FBLN2: variants seen among roughly 807,000 people sequenced by gnomAD.
FBLN2 encodes fibulin-2.
In FBLN2, 81 loss-of-function variants were observed where a neutral mutation model predicts 123.7. That is an observed-to-expected ratio of 0.65 (90% CI 0.55 to 0.79). FBLN2 has a LOEUF of 0.79. Among genes scored for constraint, FBLN2 ranks in the 30% least tolerant of loss-of-function variants. The pLI is 0.00. For missense variants in FBLN2, 1,603 were observed against 1,681.3 expected (o/e 0.95, Z 0.81); for synonymous variants, 699 against 701.4 (o/e 1.00, Z 0.05).
In FBLN2 at chr3:13,597,697, T is replaced by C. The variant is rs939550382; in HGVS notation, c.1307-10365T>C. Among the ~76,000 whole-genome samples, 6 of 152,234 alleles carry C rather than the reference T, an allele frequency of 3.9e-5. No homozygotes were observed. In the South Asian group the frequency reaches 1.2e-3, roughly 32 times the overall value. On this transcript the variant is annotated intron_variant, in intron 2 of 17. Coordinates refer to ENST00000404922, the MANE Select transcript of FBLN2 (RefSeq NM_001004019.2). ...ACCAGAATACTCAGGGTCGTGGGTGTGGCGCCTTCTGCTTTACCAGGGGAC... is the reference window on the plus strand; with the variant it reads ...ACCAGAATACTCAGGGTCGTGGGTGCGGCGCCTTCTGCTTTACCAGGGGAC...
chr3:13,572,989 C>T (rs1328998599), intron 2 of FBLN2, among the ~76,000 whole-genome samples: 1 of 152,118 alleles, frequency 6.6e-6, no homozygotes, highest in African/African-American at 2.4e-5. Context: ...GGAGAGGCTT[C>T]AGGAGTCCTC....
intron 2 of FBLN2, among the ~76,000 whole-genome samples, chr3:13,588,865 TG>T (rs1271375319): frequency 4.6e-5 from 7 of 152,316 alleles, no homozygotes; most frequent in Admixed American, 4.6e-4. Flanking sequence ...GTACGTATGA[TG>T]GGCTGGAAAT....
intron 2 of FBLN2, among the ~76,000 whole-genome samples, chr3:13,605,933 T>C (rs1705188125): frequency 1.3e-5 from 2 of 152,214 alleles, no homozygotes; most frequent in African/African-American, 4.8e-5. Context: ...ATTTTATTAT[T>C]ATTTTTTGAG....
Position 13,638,309 on chromosome 3 carries a change from T to C in FBLN2, c.*390T>C, listed in dbSNP as rs998663520. On this transcript the variant is annotated 3_prime_UTR_variant, in exon 18 of 18. Coordinates refer to ENST00000404922, the MANE Select transcript of FBLN2 (RefSeq NM_001004019.2). ...AATTCTTTTCTTTTTTAAAAAATCA[T>C]TTTAAAGTTTTTTGTTTAACTATAA... is the stretch of plus-strand genomic sequence containing the variant. 2 of 428,128 alleles carry C rather than the reference T, an allele frequency of 4.7e-6. No individual in the cohort carries two copies. The highest frequency in any genetic ancestry group is 4.2e-5 in the African/African-American group (2 of 47,614). 26.5% of individuals were successfully genotyped at this position (428,128 alleles called of 1,614,324 possible).
chr3:13,628,217 C>G (rs113630537), intron 11 of FBLN2, among the ~76,000 whole-genome samples: 1,881 of 152,276 alleles, frequency 0.012, 48 homozygotes, highest in African/African-American at 0.042. Flanking sequence ...TCAGTGGCCT[C>G]TGTGAAGCTA....
At chr3:13,558,784 TCCACCCAC>T (rs60014707) in intron 1 of FBLN2, among the ~76,000 whole-genome samples, 26 of 135,398 alleles carry the variant, frequency 1.9e-4, no homozygotes, top group African/African-American at 6.6e-4. Flanking sequence ...CATCCACCCA[TCCACCCAC>T]CCACCCACCC....
chr3:13,617,711 C>CCATCCATCCATT (rs1239153906), intron 5 of FBLN2, among the ~76,000 whole-genome samples: 3 of 115,814 alleles, frequency 2.6e-5, no homozygotes, highest in African/African-American at 1.0e-4. Flanking sequence ...ATCCATCCAT[C>CCATCCATCCATT]CATCCATCCA....
At chr3:13,628,236 GT>G (rs1200554909) in intron 11 of FBLN2, among the ~76,000 whole-genome samples, 1 of 152,200 alleles carries the variant, frequency 6.6e-6, no homozygotes, top group Non-Finnish European at 1.5e-5. Context: ...TATCTGTGGG[GT>G]TGGACTGGAT....
intron 2 of FBLN2, among the ~76,000 whole-genome samples, chr3:13,595,275 C>T (rs115630683): frequency 0.017 from 2,599 of 152,188 alleles, 82 homozygotes; most frequent in African/African-American, 0.059. Context: ...ATGCAGAAGC[C>T]GGTGCTGAGG....
chr3:13,576,854 G>T (rs1176356526), intron 2 of FBLN2, among the ~76,000 whole-genome samples: 2 of 152,202 alleles, frequency 1.3e-5, no homozygotes, highest in African/African-American at 4.8e-5. Flanking sequence ...TCACAGTGCT[G>T]ACATTCTGTT....
Position 13,626,451 on chromosome 3 carries a change from A to G in FBLN2, c.2303A>G (p.Asn768Ser). ...LNAHRKCVDI[N>S]ECVTDLHTCS... ...GGCCTCGCTCTCCCTGCAGACATCA[A>G]CGAGTGTGTGACGGACCTGCACACG... is the stretch of plus-strand genomic sequence containing the variant. Residue 768 changes from asparagine (N) to serine (S), a missense_variant, in exon 10 of 18, where the codon AAC becomes AGC. Asn to Ser is a conservative substitution (Grantham distance 46, BLOSUM62 1). Coordinates refer to ENST00000404922, the MANE Select transcript of FBLN2 (RefSeq NM_001004019.2). The G allele has an allele frequency of 1.9e-6, 3 of 1,582,330 alleles. No homozygotes were observed. The highest frequency in any genetic ancestry group is 1.7e-6 in the Non-Finnish European group (2 of 1,162,972).
At chr3:13,627,175 G>A (rs1357531561) in intron 10 of FBLN2, among the ~76,000 whole-genome samples, 2 of 152,028 alleles carry the variant, frequency 1.3e-5, no homozygotes, top group Admixed American at 1.3e-4. Flanking sequence ...CCTGGAGGAG[G>A]TGACGTTGGA....
intron 2 of FBLN2, among the ~76,000 whole-genome samples, chr3:13,577,934 T>G (rs537412742): frequency 5.3e-5 from 8 of 152,168 alleles, no homozygotes; most frequent in Non-Finnish European, 1.2e-4. Context: ...GAGAAAACTG[T>G]CATCTTGGGG....
intron 2 of FBLN2, among the ~76,000 whole-genome samples, chr3:13,606,685 CTT>C (rs1705215313): frequency 6.6e-6 from 1 of 151,922 alleles, no homozygotes; most frequent in African/African-American, 2.4e-5. Flanking sequence ...GAGTTTCACT[CTT>C]ATTGCCCAGG....
chr3:13,556,283 C>T (rs553665784), intron 1 of FBLN2, among the ~76,000 whole-genome samples: 1 of 144,910 alleles, frequency 6.9e-6, no homozygotes, highest in African/African-American at 2.5e-5. Context: ...CCGGCATGCA[C>T]GTGGCTGCCT....
chr3:13,581,221 G>T (rs570157199), intron 2 of FBLN2, among the ~76,000 whole-genome samples: 1 of 150,218 alleles, frequency 6.7e-6, no homozygotes, highest in Non-Finnish European at 1.5e-5. Context: ...CAGGTGGGGG[G>T]TGGGGGGGAG....
chr3:13,573,327 T>C (rs554801409), intron 2 of FBLN2, among the ~76,000 whole-genome samples: 1 of 152,078 alleles, frequency 6.6e-6, no homozygotes, highest in South Asian at 2.1e-4. Context: ...TGCCCACTTA[T>C]CACCTCATCC....
chr3:13,553,901 T>C (rs1408559363), intron 1 of FBLN2, among the ~76,000 whole-genome samples: 1 of 152,210 alleles, frequency 6.6e-6, no homozygotes, highest in Non-Finnish European at 1.5e-5. Flanking sequence ...CATCTGTGAA[T>C]CGGGGGCGCC....
intron 2 of FBLN2, among the ~76,000 whole-genome samples, chr3:13,606,019 C>T (rs148731314): frequency 6.6e-6 from 1 of 152,104 alleles, no homozygotes; most frequent in Non-Finnish European, 1.5e-5. Flanking sequence ...AACCCCCCTC[C>T]CCATCCCTGG....
Sources: allele counts gnomAD v4.1 joint callset (sites outside exome capture counted in the v4.1 genomes callset), GRCh38; gene constraint gnomAD v4.1.1; transcripts MANE v1.5; gene names NCBI Gene and HGNC (gene_info 2026-07-23, HGNC 2026-07-21).